Variants in TRIO observed in about 807,000 individuals in gnomAD.
TRIO encodes the protein trio Rho guanine nucleotide exchange factor, also known as triple functional domain protein.
TRIO carries 58 observed loss-of-function variants against 351.9 expected under a neutral mutation model. The ratio of observed to expected loss-of-function variants is 0.16; its 90% CI spans 0.13 to 0.21. TRIO has a LOEUF of 0.21. Ranked by LOEUF, TRIO falls within the 10% of genes least tolerant of loss-of-function variation. TRIO has a pLI of 1.00. For missense variants in TRIO, 3,201 were observed against 4,027.8 expected (o/e 0.79, Z 5.56); for synonymous variants, 1,758 against 1,595.7 (o/e 1.10, Z -2.42).
At chr5:14,374,080 T>C (rs1309914269) in intron 18 of TRIO, 149 bp from the exon 19 acceptor site, 1 of 528,144 alleles carries the variant, frequency 1.9e-6, no homozygotes, top group African/African-American at 2.0e-5. Context: ...TTTAATTGAA[T>C]TAGATTTTAT....
At chr5:14,473,309 A>T (rs1754817429) in intron 39 of TRIO, among the ~76,000 whole-genome samples, 1 of 152,162 alleles carries the variant, frequency 6.6e-6, no homozygotes, top group African/African-American at 2.4e-5. Context: ...ATAAAATTTT[A>T]TGTGTATTCT....
intron 8 of TRIO, among the ~76,000 whole-genome samples, chr5:14,307,468 G>A (rs1272277188): frequency 6.6e-6 from 1 of 152,100 alleles, no homozygotes; most frequent in Non-Finnish European, 1.5e-5. Flanking sequence ...TCTTTCTTTA[G>A]ATGGCCCTCT....
intron 34 of TRIO, among the ~76,000 whole-genome samples, chr5:14,430,801 C>T (rs879425008): frequency 6.6e-6 from 1 of 152,008 alleles, no homozygotes; most frequent in Non-Finnish European, 1.5e-5. Flanking sequence ...CCGCAATCTC[C>T]GCCTCCCGAG....
chr5:14,336,397 C>G, intron 10 of TRIO, 139 bp from the exon 11 acceptor site: 1 of 845,286 alleles, frequency 1.2e-6, no homozygotes, highest in Non-Finnish European at 1.9e-6. Context: ...TCATCTCTCC[C>G]CATCATATTT....
At chr5:14,429,788 C>G (rs898069073) in intron 34 of TRIO, among the ~76,000 whole-genome samples, 2 of 152,318 alleles carry the variant, frequency 1.3e-5, no homozygotes, top group Admixed American at 1.3e-4. Flanking sequence ...TCACCTCTAG[C>G]TTGTGCTTCC....
chr5:14,339,111 C>A (rs1741701814), intron 11 of TRIO, among the ~76,000 whole-genome samples: 1 of 152,070 alleles, frequency 6.6e-6, no homozygotes, highest in African/African-American at 2.4e-5. Context: ...TGTGGTGGCA[C>A]CTGTAGTCCC....
chr5:14,176,791 T>C (rs1789432863), intron 1 of TRIO, among the ~76,000 whole-genome samples: 1 of 152,214 alleles, frequency 6.6e-6, no homozygotes, highest in Non-Finnish European at 1.5e-5. Flanking sequence ...ACATGAACTT[T>C]TCAAAAGTAA....
intron 6 of TRIO, among the ~76,000 whole-genome samples, chr5:14,296,275 T>C (rs1425021981): frequency 2.0e-5 from 3 of 152,090 alleles, no homozygotes; most frequent in East Asian, 1.9e-4. Flanking sequence ...AAAAAATACA[T>C]GAACAACAGC....
At chr5:14,507,099 G>A (rs765788047) in intron 55 of TRIO, 23 bp from the exon 56 acceptor site, 2 of 1,558,566 alleles carry the variant, frequency 1.3e-6, no homozygotes, top group Admixed American at 4.2e-5. Context: ...CATCATAACA[G>A]TCACCCGCTC....
chr5:14,382,596 C>G (rs2152355571), intron 21 of TRIO, among the ~76,000 whole-genome samples: 1 of 152,358 alleles, frequency 6.6e-6, no homozygotes, highest in East Asian at 1.9e-4. Flanking sequence ...ACAATGAGCT[C>G]TAAGGAGGGC....
intron 1 of TRIO, among the ~76,000 whole-genome samples, chr5:14,224,131 A>T (rs1792829191): frequency 6.6e-6 from 1 of 152,010 alleles, no homozygotes; most frequent in African/African-American, 2.4e-5. Flanking sequence ...GTGTTTATCC[A>T]TTTTTCATTT....
In TRIO at chr5:14,394,145, TC is replaced by T. The variant is rs748070285; in HGVS notation, c.4311+16del. ...TCCTTTTAAAAGTATGTATAATGCG[TC>T]TTCAGCCTGTGAAATTTTATGAATT... On this transcript the variant is annotated intron_variant, in intron 28 of 56. Coordinates refer to ENST00000344204, the MANE Select transcript of TRIO (RefSeq NM_007118.4). The T allele has an allele frequency of 8.6e-5, 129 of 1,506,542 alleles. No individual in the cohort carries two copies. The highest frequency in any genetic ancestry group is 4.5e-6 in the Non-Finnish European group (5 of 1,099,114). 93.3% of individuals were successfully genotyped at this position (1,506,542 alleles called of 1,614,324 possible). A position where few individuals can be genotyped will look rare whatever the true frequency, so the allele number is the denominator to read the frequency against.
At chr5:14,151,122 C>T (rs982630053) in intron 1 of TRIO, among the ~76,000 whole-genome samples, 1 of 152,140 alleles carries the variant, frequency 6.6e-6, no homozygotes, top group African/African-American at 2.4e-5. Flanking sequence ...TGGAGGGCTT[C>T]GTTCCTACAT....
intron 1 of TRIO, among the ~76,000 whole-genome samples, chr5:14,151,454 C>T (rs1561138630): frequency 6.6e-6 from 1 of 151,930 alleles, no homozygotes; most frequent in Non-Finnish European, 1.5e-5. Context: ...TAAAATACCC[C>T]TCTTTGGATT....
intron 34 of TRIO, among the ~76,000 whole-genome samples, chr5:14,453,852 A>G (rs1753031911): frequency 6.6e-6 from 1 of 152,160 alleles, no homozygotes; most frequent in Non-Finnish European, 1.5e-5. Flanking sequence ...CAGGACTGAG[A>G]GTTAGTTGAC....
chr5:14,450,888 T>A (rs1752804775), intron 34 of TRIO, among the ~76,000 whole-genome samples: 1 of 152,186 alleles, frequency 6.6e-6, no homozygotes, highest in African/African-American at 2.4e-5. Flanking sequence ...CTGATGAATC[T>A]TTCTTTTCCA....
intron 1 of TRIO, among the ~76,000 whole-genome samples, chr5:14,200,071 T>G (rs1168475501): frequency 1.3e-5 from 2 of 152,158 alleles, no homozygotes; most frequent in Non-Finnish European, 2.9e-5. Flanking sequence ...AGACAGTGGT[T>G]CATACTTGGG....
Position 14,488,247 on chromosome 5 carries a change from C to T in TRIO, c.7619C>T (p.Thr2540Ile). Residue 2540 changes from threonine (T) to isoleucine (I), a missense_variant, in exon 48 of 57, where the codon ACC (threonine) becomes ATC (isoleucine). By Grantham distance (89) the Thr-to-Ile change is moderately conservative. Around this residue, in one of 19 missense-constraint regions of TRIO, gnomAD observed 1,089 missense variants for 954.9 expected, o/e 1.14. Coordinates refer to ENST00000344204, the MANE Select transcript of TRIO (RefSeq NM_007118.4). Reference sequence around the variant, plus strand: ...GCCAGCGAGCAGTCCGTGCAGTCCACCCAGAGCAACGGGGTAAGCGCGTCG... The same window carrying T: ...GCCAGCGAGCAGTCCGTGCAGTCCATCCAGAGCAACGGGGTAAGCGCGTCG... ...SSASEQSVQS[T>I]QSNGSESSSS... 2 of 1,576,694 alleles carry T rather than the reference C, an allele frequency of 1.3e-6. No individual in the cohort carries two copies. Among genetic ancestry groups the T allele is most frequent in the South Asian group, 1.1e-5 (1 of 88,138 alleles).
Position 14,169,197 on chromosome 5 carries a change from CTTT to C in TRIO, c.157+25329_157+25331del, listed in dbSNP as rs3994005. Among the ~76,000 whole-genome samples, 362 of 140,412 alleles carry C rather than the reference CTTT, an allele frequency of 2.6e-3. 3 individuals are homozygous for C. The highest frequency in any genetic ancestry group is 7.6e-3 in the African/African-American group (292 of 38,456). The allele number at this position is 140,412 out of a possible 152,430, so 92.1% of individuals were successfully genotyped here. A position where few individuals can be genotyped will look rare whatever the true frequency, so the allele number is the denominator to read the frequency against. ...CTTTTTTAATGGGCAATAAAACTGC[CTTT>C]TTTTTTTTTTTTTACTTTTCTCTTT... On this transcript the variant is annotated intron_variant, in intron 1 of 56. Transcript: ENST00000344204.
Sources: allele counts gnomAD v4.1 joint callset (sites outside exome capture counted in the v4.1 genomes callset), GRCh38; gene constraint gnomAD v4.1.1; regional missense constraint gnomAD v4.1.1; transcripts MANE v1.5; gene names NCBI Gene and HGNC (gene_info 2026-07-23, HGNC 2026-07-21).